Variants in ENOX1 observed in about 807,000 individuals in gnomAD.
The protein encoded by ENOX1 is candidate growth-related and time keeping constitutive hydroquinone (NADH) oxidase.
Under a neutral mutation model 82.5 loss-of-function variants are expected in ENOX1, and 42 were observed. The ratio of observed to expected loss-of-function variants is 0.51; its 90% CI spans 0.40 to 0.66. The LOEUF is 0.66. ENOX1 is among the 30% of genes least tolerant of loss of function. The pLI is 0.00. For synonymous variants in ENOX1, 271 were observed against 282.2 expected (o/e 0.96, Z 0.40); for missense variants, 608 against 811.6 (o/e 0.75, Z 3.05).
rs147380290 is a variant in ENOX1 at position 43,377,714 on chromosome 13, C to A, written c.209-16262G>T. ...TAATTTTATCTTCAGTACAACAAAG[C>A]AAGGGAAGTTAAGATATGGAGAAAG... is the stretch of plus-strand genomic sequence containing the variant. On this transcript the variant is annotated intron_variant, in intron 5 of 16. Coordinates refer to ENST00000690772, the MANE Select transcript of ENOX1 (RefSeq NM_001347969.2). 1.4e-4 allele frequency among the ~76,000 whole-genome samples: 22 copies of A among 152,300 alleles called. No individual in the cohort carries two copies. In the East Asian group the frequency reaches 4.0e-3, roughly 28 times the overall value.
At chr13:43,466,783 T>G (rs1229726208) in intron 3 of ENOX1, among the ~76,000 whole-genome samples, 3 of 152,168 alleles carry the variant, frequency 2.0e-5, no homozygotes, top group Non-Finnish European at 4.4e-5. Context: ...TTGTACCCAT[T>G]AACAGTCACT....
chr13:43,235,878 C>A (rs895054966), intron 15 of ENOX1, among the ~76,000 whole-genome samples: 4 of 152,192 alleles, frequency 2.6e-5, no homozygotes, highest in African/African-American at 9.7e-5. Flanking sequence ...CAACCCCACA[C>A]TGGGGTCAGT....
At chr13:43,450,055 C>T (rs549835213) in intron 3 of ENOX1, among the ~76,000 whole-genome samples, 38 of 152,316 alleles carry the variant, frequency 2.5e-4, no homozygotes, top group Middle Eastern at 6.8e-3. Flanking sequence ...TCGGAAGCGT[C>T]CAAAGCTTGT....
At chr13:43,773,922 A>C (rs1180886693) in intron 1 of ENOX1, among the ~76,000 whole-genome samples, 2 of 152,180 alleles carry the variant, frequency 1.3e-5, no homozygotes, top group Non-Finnish European at 2.9e-5. Context: ...AAAAACATTA[A>C]ATCTCTACAA....
At chr13:43,661,150 C>T (rs2084701762) in intron 2 of ENOX1, among the ~76,000 whole-genome samples, 1 of 152,092 alleles carries the variant, frequency 6.6e-6, no homozygotes, top group African/African-American at 2.4e-5. Context: ...TTATTGTGCC[C>T]CTGCAACTCT....
intron 12 of ENOX1, among the ~76,000 whole-genome samples, chr13:43,295,398 T>C (rs2046232986): frequency 6.6e-6 from 1 of 152,180 alleles, no homozygotes; most frequent in Non-Finnish European, 1.5e-5. Context: ...CCAGACAAAG[T>C]CACCCAAGAG....
intron 2 of ENOX1, among the ~76,000 whole-genome samples, chr13:43,631,939 C>T (rs1230852831): frequency 6.6e-6 from 1 of 152,110 alleles, no homozygotes; most frequent in Non-Finnish European, 1.5e-5. Flanking sequence ...TCTCCATTGC[C>T]GTCAAGACAA....
intron 1 of ENOX1, among the ~76,000 whole-genome samples, chr13:43,776,104 C>T (rs1230925722): frequency 6.6e-6 from 1 of 152,090 alleles, no homozygotes; most frequent in Non-Finnish European, 1.5e-5. Context: ...CCAAACCAAA[C>T]CCTATGGAGC....
At chr13:43,437,686 G>T (rs1734556924) in intron 3 of ENOX1, among the ~76,000 whole-genome samples, 1 of 152,128 alleles carries the variant, frequency 6.6e-6, no homozygotes, top group South Asian at 2.1e-4. Flanking sequence ...CAATGGTTAG[G>T]GTTTATGGCG....
intron 15 of ENOX1, among the ~76,000 whole-genome samples, chr13:43,225,954 G>A (rs549090245): frequency 1.3e-5 from 2 of 152,210 alleles, no homozygotes; most frequent in South Asian, 4.2e-4. Flanking sequence ...TTGTCAAAAT[G>A]TCCTTTTTTG....
At chr13:43,752,561 A>T (rs1374219426) in intron 1 of ENOX1, among the ~76,000 whole-genome samples, 1 of 152,174 alleles carries the variant, frequency 6.6e-6, no homozygotes, top group Non-Finnish European at 1.5e-5. Flanking sequence ...TATATTATAA[A>T]ATATGGTTTG....
At chr13:43,701,414 C>A (rs1427104048) in intron 1 of ENOX1, among the ~76,000 whole-genome samples, 1 of 152,134 alleles carries the variant, frequency 6.6e-6, no homozygotes, top group Non-Finnish European at 1.5e-5. Context: ...CAATGATATG[C>A]ACTCATTATT....
chr13:43,600,615 A>C (rs573968576), intron 2 of ENOX1, among the ~76,000 whole-genome samples: 1 of 152,312 alleles, frequency 6.6e-6, no homozygotes, highest in Admixed American at 6.5e-5. Flanking sequence ...CCTAACAGGA[A>C]GAACACAAAC....
intron 2 of ENOX1, among the ~76,000 whole-genome samples, chr13:43,604,184 T>G (rs1270747730): frequency 6.6e-6 from 1 of 151,162 alleles, no homozygotes; most frequent in Non-Finnish European, 1.5e-5. Flanking sequence ...CATAAATGTC[T>G]TCTTTTGAGA....
chr13:43,406,397 T>C (rs1329744297), intron 5 of ENOX1, among the ~76,000 whole-genome samples: 3 of 152,058 alleles, frequency 2.0e-5, no homozygotes, highest in African/African-American at 7.2e-5. Flanking sequence ...AGGGTGCTGA[T>C]AGACCCTTAC....
chr13:43,634,665 C>T (rs2083346102), intron 2 of ENOX1, among the ~76,000 whole-genome samples: 1 of 152,142 alleles, frequency 6.6e-6, no homozygotes. Flanking sequence ...GCAGAAATTC[C>T]TCTAGAAATC....
At chr13:43,416,248 G>A (rs1348215389) in intron 3 of ENOX1, among the ~76,000 whole-genome samples, 8 of 138,376 alleles carry the variant, frequency 5.8e-5, no homozygotes, top group African/African-American at 1.7e-4. Context: ...ATGGGTGGCC[G>A]GGCAGAGGTG....
chr13:43,361,182 C>T (rs1461791255), intron 6 of ENOX1, 97 bp downstream of exon 6: 7 of 1,265,804 alleles, frequency 5.5e-6, no homozygotes, highest in East Asian at 2.4e-5. Flanking sequence ...TGTGCATTTA[C>T]GTGTGAGTCA....
At chr13:43,262,334 A>G (rs2044121359) in intron 14 of ENOX1, among the ~76,000 whole-genome samples, 1 of 152,232 alleles carries the variant, frequency 6.6e-6, no homozygotes, top group South Asian at 2.1e-4. Flanking sequence ...AAGAACACCC[A>G]GCTAAGTTGG....
Sources: gnomAD v4.1 joint callset for allele counts (sites outside exome capture counted in the v4.1 genomes callset) on GRCh38, gnomAD v4.1.1 for gene constraint, MANE v1.5 for transcripts, NCBI Gene and HGNC (gene_info 2026-07-23, HGNC 2026-07-21) for gene names.